Variants in VTI1A observed in about 807,000 individuals in gnomAD.
VTI1A encodes vesicle transport through interaction with t-SNAREs homolog 1A.
Under a neutral mutation model 34.9 loss-of-function variants are expected in VTI1A, and 22 were observed. The ratio of observed to expected loss-of-function variants is 0.63; its 90% CI spans 0.45 to 0.90. The LOEUF (loss-of-function observed/expected upper bound fraction) is 0.90. Among genes scored for constraint, VTI1A ranks in the 40% least tolerant of loss-of-function variants. The probability of loss-of-function intolerance (pLI) is 0.00; values close to 1 mark genes in which losing one functional copy is unlikely to be tolerated. For synonymous variants in VTI1A, 87 were observed against 97.3 expected (o/e 0.89, Z 0.62); for missense variants, 268 against 275.6 (o/e 0.97, Z 0.20).
At chr10:112,768,785 C>A (rs988769906) in intron 7 of VTI1A, among the ~76,000 whole-genome samples, 2 of 152,166 alleles carry the variant, frequency 1.3e-5, no homozygotes, top group Non-Finnish European at 1.5e-5. Context: ...TATTAAATTT[C>A]CTGATTTGGG....
chr10:112,638,151 A>G (rs986159570), intron 5 of VTI1A, among the ~76,000 whole-genome samples: 5 of 152,202 alleles, frequency 3.3e-5, no homozygotes, highest in Non-Finnish European at 1.5e-5. Flanking sequence ...TTCTCAGTGT[A>G]TTATGCTGTT....
the VTI1A span, among the ~76,000 whole-genome samples, chr10:112,830,840 TATATATATA>T: frequency 1.4e-4 from 7 of 51,194 alleles, no homozygotes; most frequent in East Asian, 5.8e-4. Context: ...TATATATATA[TATATATATA>T]TTTTTTTTTT....
intron 7 of VTI1A, among the ~76,000 whole-genome samples, chr10:112,692,555 C>T (rs1268730212): frequency 1.3e-5 from 2 of 152,174 alleles, no homozygotes; most frequent in Non-Finnish European, 2.9e-5. Flanking sequence ...TGAGTAGTAC[C>T]ATCACTGTTT....
chr10:112,719,839 C>G (rs2133937699), intron 7 of VTI1A, among the ~76,000 whole-genome samples: 1 of 152,298 alleles, frequency 6.6e-6, no homozygotes, highest in South Asian at 2.1e-4. Context: ...AGCCACGACA[C>G]CCAGCCCAAT....
intron 5 of VTI1A, among the ~76,000 whole-genome samples, chr10:112,628,374 C>T (rs181018504): frequency 9.0e-4 from 137 of 152,200 alleles, no homozygotes; most frequent in African/African-American, 3.2e-3. Flanking sequence ...TATTTGAATT[C>T]TATCAGTGAA....
chr10:112,545,380 A>C (rs1225729611), intron 5 of VTI1A, among the ~76,000 whole-genome samples: 1 of 152,264 alleles, frequency 6.6e-6, no homozygotes, highest in African/African-American at 2.4e-5. Flanking sequence ...GTTTATGATA[A>C]TATTTTACAT....
At chr10:112,794,220 C>CA (rs937095917) in intron 7 of VTI1A, among the ~76,000 whole-genome samples, 24 of 150,010 alleles carry the variant, frequency 1.6e-4, no homozygotes, top group South Asian at 4.2e-4. Flanking sequence ...ATGCAAAATG[C>CA]AAAAAAAAAT....
chr10:112,736,633 C>T (rs1850484725), intron 7 of VTI1A: 1 of 1,523,348 alleles, frequency 6.6e-7, no homozygotes, highest in East Asian at 2.5e-5. Flanking sequence ...TTCTAAATGC[C>T]AAAATTGGAA....
intron 7 of VTI1A, among the ~76,000 whole-genome samples, chr10:112,673,716 C>T (rs1008953781): frequency 6.6e-6 from 1 of 152,172 alleles, no homozygotes; most frequent in African/African-American, 2.4e-5. Flanking sequence ...ATCATTGCCA[C>T]CTATCATTGC....
chr10:112,572,748 A>G (rs1372114769), intron 5 of VTI1A, among the ~76,000 whole-genome samples: 1 of 151,694 alleles, frequency 6.6e-6, no homozygotes, highest in South Asian at 2.1e-4. Context: ...TGAAGGCAGG[A>G]GAACGGCGTG....
chr10:112,562,234 T>G (rs1375380485), intron 5 of VTI1A, among the ~76,000 whole-genome samples: 1 of 152,164 alleles, frequency 6.6e-6, no homozygotes, highest in African/African-American at 2.4e-5. Context: ...CCAGAAACAA[T>G]GATGTTTTAT....
At chr10:112,737,360 G>T (rs937896433) in intron 7 of VTI1A, 3 of 1,026,208 alleles carry the variant, frequency 2.9e-6, no homozygotes, top group Non-Finnish European at 3.5e-6. Context: ...TTTAAAAGGA[G>T]GAATTTAAAT....
intron 3 of VTI1A, among the ~76,000 whole-genome samples, chr10:112,518,700 G>A (rs1351518404): frequency 1.3e-5 from 2 of 149,816 alleles, no homozygotes; most frequent in Non-Finnish European, 3.0e-5. Context: ...TTTAAAATGT[G>A]TAAAGCTGGG....
intron 7 of VTI1A, among the ~76,000 whole-genome samples, chr10:112,715,631 G>A (rs1348289424): frequency 1.3e-5 from 2 of 152,132 alleles, no homozygotes; most frequent in Non-Finnish European, 2.9e-5. Context: ...GCTGTAATCA[G>A]TGAGCCTGTG....
In VTI1A at chr10:112,550,386, C is replaced by T. The variant is rs376331752; in HGVS notation, c.427+12056C>T. 1.8e-3 allele frequency among the ~76,000 whole-genome samples: 260 copies of T among 144,756 alleles called. 1 individual carries two copies. Among genetic ancestry groups the T allele is most frequent in the African/African-American group, 6.5e-3 (253 of 39,126 alleles). The allele number at this position is 144,756 out of a possible 152,430, so 95.0% of individuals were successfully genotyped here. Reference sequence around the variant, plus strand: ...TTTTTAACAGTGTTTATGTATTTAACAGAATTTTTTTGAGATGGATGCTAC... The same window carrying T: ...TTTTTAACAGTGTTTATGTATTTAATAGAATTTTTTTGAGATGGATGCTAC... On this transcript the variant is annotated intron_variant, in intron 5 of 7. Transcript: ENST00000393077.
At chr10:112,778,618 A>T (rs886667209) in intron 7 of VTI1A, among the ~76,000 whole-genome samples, 2 of 152,220 alleles carry the variant, frequency 1.3e-5, no homozygotes, top group Non-Finnish European at 1.5e-5. Flanking sequence ...AGGGTTTTTT[A>T]AAATTACTTG....
intron 7 of VTI1A, among the ~76,000 whole-genome samples, chr10:112,728,454 T>C (rs976590923): frequency 1.2e-4 from 19 of 152,196 alleles, no homozygotes; most frequent in African/African-American, 2.4e-4. Flanking sequence ...CTGCTTACCA[T>C]GCATGGGACA....
intron 3 of VTI1A, among the ~76,000 whole-genome samples, chr10:112,513,134 G>T (rs997778162): frequency 2.0e-5 from 3 of 151,970 alleles, no homozygotes; most frequent in African/African-American, 7.2e-5. Flanking sequence ...GGGCAGTGTG[G>T]ACATTTTCAC....
intron 5 of VTI1A, among the ~76,000 whole-genome samples, chr10:112,639,926 C>T (rs1846504425): frequency 6.6e-6 from 1 of 152,150 alleles, no homozygotes; most frequent in Admixed American, 6.5e-5. Context: ...GATTCTGTGC[C>T]TCCCTTGTGA....
Sources: gnomAD v4.1 joint callset for allele counts (sites outside exome capture counted in the v4.1 genomes callset) on GRCh38, gnomAD v4.1.1 for gene constraint, MANE v1.5 for transcripts, NCBI Gene and HGNC (gene_info 2026-07-23, HGNC 2026-07-21) for gene names.